Variants in CDKL5 observed in about 807,000 individuals in gnomAD.
CDKL5 encodes the protein cyclin-dependent kinase-like 5.
A neutral mutation model predicts 61.7 loss-of-function variants in CDKL5; 8 were observed. That is an observed-to-expected ratio of 0.13 (90% CI 0.08 to 0.23). The LOEUF is 0.23. CDKL5 is among the 10% of genes least tolerant of loss of function. The pLI, the probability that CDKL5 is intolerant of heterozygous loss-of-function variation, is 1.00. For synonymous variants in CDKL5, 275 were observed against 272.3 expected (o/e 1.01, Z -0.10); for missense variants, 440 against 734.5 (o/e 0.60, Z 4.63).
At chrX:18,653,200 A>G (rs536827059) in intron 21 of CDKL5, among the ~76,000 whole-genome samples, 3 of 112,509 alleles carry the variant, frequency 2.7e-5, no homozygotes, top group African/African-American at 9.7e-5. Context: ...GATTTCTTAT[A>G]CTTTTGATAA....
chrX:18,645,710 A>G (rs1927743954), intron 19 of CDKL5, among the ~76,000 whole-genome samples: 1 of 111,192 alleles, frequency 9.0e-6, no homozygotes, highest in East Asian at 2.8e-4. Context: ...CTTTTCTTAA[A>G]ACACAAATGT....
intron 1 of CDKL5, among the ~76,000 whole-genome samples, chrX:18,464,435 A>G (rs150014466): frequency 1.8e-5 from 2 of 111,544 alleles, no homozygotes; most frequent in East Asian, 5.6e-4. Context: ...AAGGACTGTT[A>G]ATATCTCTTT....
At chrX:18,598,341 T>G in intron 10 of CDKL5, 121 bp from the exon 11 acceptor site, 1 of 519,440 alleles carries the variant, frequency 1.9e-6, no homozygotes. Flanking sequence ...TCCTGAACTG[T>G]GTTTACTTGA....
At chrX:18,493,009 C>T (rs780319707) in intron 1 of CDKL5, among the ~76,000 whole-genome samples, 10 of 111,460 alleles carry the variant, frequency 9.0e-5, no homozygotes, top group Admixed American at 9.5e-5. Context: ...TTGACCCCCA[C>T]CCCTCCCCAC....
chrX:18,454,025 G>A (rs1383157183), intron 1 of CDKL5, among the ~76,000 whole-genome samples: 1 of 111,502 alleles, frequency 9.0e-6, no homozygotes, highest in East Asian at 2.8e-4. Flanking sequence ...TTTTGAAGAG[G>A]TGGTTAGTAT....
chrX:18,623,961 GTTC>G (rs1957300507), intron 16 of CDKL5: 2 of 748,900 alleles, frequency 2.7e-6, no homozygotes, highest in Non-Finnish European at 3.1e-6. Flanking sequence ...TTAAAGCATA[GTTC>G]TTCTTTGAAA....
chrX:18,506,722 G>T (rs1922591407), intron 1 of CDKL5, among the ~76,000 whole-genome samples: 1 of 111,827 alleles, frequency 8.9e-6, no homozygotes, highest in South Asian at 3.7e-4. Flanking sequence ...CAAAAGTGTG[G>T]TTATATTATT....
intron 4 of CDKL5, among the ~76,000 whole-genome samples, chrX:18,574,774 C>T (rs1925240586): frequency 8.9e-6 from 1 of 112,006 alleles, no homozygotes; most frequent in Non-Finnish European, 1.9e-5. Flanking sequence ...TCAGAATTCC[C>T]TGCAACTTGG....
chrX:18,619,149 C>T (rs374276720), intron 15 of CDKL5, among the ~76,000 whole-genome samples: 2 of 102,816 alleles, frequency 1.9e-5, no homozygotes, highest in African/African-American at 7.1e-5. Flanking sequence ...CCCCCCGCCC[C>T]GTGAAAGCTT....
At chrX:18,648,274 C>T (rs931740079) in intron 20 of CDKL5, among the ~76,000 whole-genome samples, 3 of 109,987 alleles carry the variant, frequency 2.7e-5, no homozygotes, top group South Asian at 7.9e-4. Flanking sequence ...GACAGGGTCT[C>T]GCCCTGTCCT....
Position 18,473,201 on chromosome X carries a change from C to T in CDKL5, c.-162-33734C>T, listed in dbSNP as rs1194863119. On this transcript the variant is annotated intron_variant, in intron 1 of 17. Coordinates refer to ENST00000623535, the MANE Select transcript of CDKL5 (RefSeq NM_001323289.2). ...CTCGAGCTCCTGACTTGAAGTGATC[C>T]ATCCGCCTCGGCCTCCCAAAGTGCT... Among the ~76,000 whole-genome samples, 12 of 110,260 alleles carry T rather than the reference C, an allele frequency of 1.1e-4. No individual in the cohort carries two copies. The East Asian group carries it at 3.4e-3, about 31-fold the overall frequency.
chrX:18,626,366 G>A (rs1927042946), intron 17 of CDKL5, among the ~76,000 whole-genome samples: 1 of 110,945 alleles, frequency 9.0e-6, no homozygotes, highest in Admixed American at 9.6e-5. Flanking sequence ...ACCATGCCCA[G>A]CCTCTGTTTA....
chrX:18,587,208 G>A (rs1184104213), intron 8 of CDKL5, among the ~76,000 whole-genome samples: 4 of 111,021 alleles, frequency 3.6e-5, no homozygotes, highest in Middle Eastern at 4.7e-3. Context: ...TAACACTCTA[G>A]ATATAAAGCT....
Position 18,604,047 on chromosome X carries a change from A to G in CDKL5, c.1123A>G (p.Ser375Gly), listed in dbSNP as rs1926264241. 1 of 1,211,504 alleles carries G rather than the reference A, an allele frequency of 8.3e-7. No individual in the cohort carries two copies. Among genetic ancestry groups the G allele is most frequent in the Non-Finnish European group, 1.1e-6 (1 of 895,363 alleles). ...CCTAAATGGAAACCTTGCTGGAGCT[A>G]GTCTTAGTCCACTGCACACCAAAAC... is the stretch of plus-strand genomic sequence containing the variant. ...SFLNGNLAGA[S>G]LSPLHTKTYQ... Residue 375 changes from serine to glycine, a missense_variant, in exon 12 of 18, where the codon AGT becomes GGT. Around this residue, in one of 2 missense-constraint regions of CDKL5, gnomAD observed 363 missense variants for 516.3 expected, o/e 0.70. Coordinates refer to ENST00000623535, the MANE Select transcript of CDKL5 (RefSeq NM_001323289.2).
At chrX:18,542,705 T>C (rs907633430) in intron 3 of CDKL5, among the ~76,000 whole-genome samples, 1 of 107,975 alleles carries the variant, frequency 9.3e-6, no homozygotes, top group African/African-American at 3.4e-5. Context: ...ATTGCAAGAC[T>C]CTGGATCCTA....
Position 18,632,068 on chromosome X carries a change from C to G in CDKL5, c.*3311C>G. 1.4e-6 allele frequency: 1 copy of G among 712,675 alleles called. No homozygotes were observed. Among genetic ancestry groups the G allele is most frequent in the Non-Finnish European group, 1.7e-6 (1 of 601,396 alleles). The allele number at this position is 712,675 out of a possible 1,213,427, so 58.7% of individuals were successfully genotyped here. A position where few individuals can be genotyped will look rare whatever the true frequency, so the allele number is the denominator to read the frequency against. On this transcript the variant is annotated 3_prime_UTR_variant, in exon 18 of 18. Transcript: ENST00000623535. Reference sequence around the variant, plus strand: ...CCCCCCAAACAAACAGTGGTCCAGCCCCAAGCACTACTAGTGCTGAGGTTG... The same window carrying G: ...CCCCCCAAACAAACAGTGGTCCAGCGCCAAGCACTACTAGTGCTGAGGTTG...
At chrX:18,650,009 C>G in intron 20 of CDKL5, 1 of 253,063 alleles carries the variant, frequency 4.0e-6, no homozygotes, top group Non-Finnish European at 7.3e-6. Context: ...GGGCTACTAG[C>G]TCTGAGAGAG....
rs777700253 is a variant in CDKL5, at chrX:18,591,537, A to G, written c.744+3394A>G. ...TCACTTTAGCCTTCTCACATTTCTCAAACCACACAATTCTCTTTTTTGTTT... is the reference window on the plus strand; with the variant it reads ...TCACTTTAGCCTTCTCACATTTCTCGAACCACACAATTCTCTTTTTTGTTT... On this transcript the variant is annotated intron_variant, in intron 9 of 17. Coordinates refer to ENST00000623535, the MANE Select transcript of CDKL5 (RefSeq NM_001323289.2). Among the ~76,000 whole-genome samples, 5 of 110,954 alleles carry G rather than the reference A, an allele frequency of 4.5e-5. No individual in the cohort carries two copies. The South Asian group carries it at 1.9e-3, about 43-fold the overall frequency.
chrX:18,515,937 CCTTCT>C (rs761027386), intron 3 of CDKL5, among the ~76,000 whole-genome samples: 1 of 110,011 alleles, frequency 9.1e-6, no homozygotes, highest in Admixed American at 9.8e-5. Flanking sequence ...GAGATAGGAG[CCTTCT>C]CTTCTCTTCT....
Sources: gnomAD v4.1 joint callset for allele counts (sites outside exome capture counted in the v4.1 genomes callset) on GRCh38, gnomAD v4.1.1 for gene constraint, gnomAD v4.1.1 regional missense constraint, MANE v1.5 for transcripts, NCBI Gene and HGNC (gene_info 2026-07-23, HGNC 2026-07-21) for gene names.